BRIP1: variants seen among roughly 807,000 people sequenced by gnomAD.
The protein encoded by BRIP1 is BRCA1 interacting DNA helicase 1.
Under a neutral mutation model 119.7 loss-of-function variants are expected in BRIP1, and 88 were observed. The ratio of observed to expected loss-of-function variants is 0.74; its 90% CI spans 0.62 to 0.88. The LOEUF (loss-of-function observed/expected upper bound fraction) is 0.88, where lower values mean the gene tolerates loss of function less well. Among genes scored for constraint, BRIP1 ranks in the 40% least tolerant of loss-of-function variants. The pLI is 0.00. For missense variants in BRIP1, 1,259 were observed against 1,455.4 expected, an observed-to-expected ratio of 0.87 and a Z score of 2.20; for synonymous variants, 443 against 496.5, an observed-to-expected ratio of 0.89 and a Z score of 1.43.
chr17:61,811,810 G>A (rs1383257411), intron 6 of BRIP1, among the ~76,000 whole-genome samples: 1 of 151,750 alleles, frequency 6.6e-6, no homozygotes, highest in Non-Finnish European at 1.5e-5. Flanking sequence ...AAATTAGCCA[G>A]GCATGGTGGC....
chr17:61,733,815 A>G (rs2076882453), intron 16 of BRIP1, among the ~76,000 whole-genome samples: 1 of 151,832 alleles, frequency 6.6e-6, no homozygotes, highest in South Asian at 2.1e-4. Context: ...ATTACCAAAA[A>G]AACCCACAAA....
rs2061280708 is a variant in BRIP1 at position 61,682,316 on chromosome 17, ACTG to A, written c.*977_*979del. Reference sequence around the variant, plus strand: ...GTCTAGTGTTTGGTACTTATTACTCACTGATCCACTAGGAAAAATATATAATAC... The same window carrying A: ...GTCTAGTGTTTGGTACTTATTACTCAATCCACTAGGAAAAATATATAATAC... On this transcript the variant is annotated 3_prime_UTR_variant, in exon 20 of 20. Transcript: ENST00000259008. The surrounding 1 kb of genome is among the most constrained non-coding windows in gnomAD (Gnocchi z 4.9). 1 of 201,204 alleles carries A rather than the reference ACTG, an allele frequency of 5.0e-6. No homozygotes were observed. The highest frequency in any genetic ancestry group is 2.3e-5 in the African/African-American group (1 of 43,564). 12.5% of individuals were successfully genotyped at this position (201,204 alleles called of 1,614,324 possible).
chr17:61,715,704 A>T (rs1198163044), intron 17 of BRIP1, among the ~76,000 whole-genome samples: 1 of 152,174 alleles, frequency 6.6e-6, no homozygotes, highest in African/African-American at 2.4e-5. Context: ...TGTGCTATTC[A>T]TTGTTAGATC....
In BRIP1 at chr17:61,780,882, A is replaced by G. The variant is rs778774207; in HGVS notation, c.1752T>C (p.Thr584=). The G allele has an allele frequency of 6.2e-6, 10 of 1,614,222 alleles. No homozygotes were observed. In the South Asian group the frequency reaches 1.1e-4, roughly 18 times the overall value. The change falls in exon 12 of 20, where the codon ACT becomes ACC. Residue 584 remains threonine, a synonymous_variant. Coordinates refer to ENST00000259008, the MANE Select transcript of BRIP1 (RefSeq NM_032043.3). The surrounding 1 kb of genome is among the most constrained non-coding windows in gnomAD (Gnocchi z 5.4). ...PKNKKRSRQK[T]AVHVLNFWCL... is the part of the protein sequence containing the mutation. ...ACCAAAAGTTTAGCACATGAACTGC[A>G]GTTTTCTGTCGTGAACGTTTCTTAT...
rs1047300480 is a variant in BRIP1, at chr17:61,684,376, T to G, written c.2906-236A>C. Among the ~76,000 whole-genome samples the G allele has an allele frequency of 2.0e-5, 3 of 152,030 alleles. No individual in the cohort carries two copies. The highest frequency in any genetic ancestry group is 4.8e-5 in the African/African-American group (2 of 41,376). On this transcript the variant is annotated intron_variant, in intron 19 of 19. Transcript: ENST00000259008. This position sits in a 1 kb window ranked among gnomAD's most constrained non-coding sequence, Gnocchi z 4.5. Reference sequence around the variant, plus strand: ...AATGCTGTCTGGTAAACTATCAAATTCCACAGCAGGGAGCTCAAGAATGAA... The same window carrying G: ...AATGCTGTCTGGTAAACTATCAAATGCCACAGCAGGGAGCTCAAGAATGAA...
intron 10 of BRIP1, among the ~76,000 whole-genome samples, chr17:61,790,713 C>T (rs1217615915): frequency 1.3e-5 from 2 of 151,734 alleles, no homozygotes; most frequent in Non-Finnish European, 2.9e-5. Context: ...AATCATGGTT[C>T]ACTGTAGCCT....
Position 61,720,916 on chromosome 17 carries a change from T to C in BRIP1, c.2380-4853A>G, listed in dbSNP as rs1603295414. Among the ~76,000 whole-genome samples the C allele has an allele frequency of 6.6e-6, 1 of 152,182 alleles. No homozygotes were observed. Among genetic ancestry groups the C allele is most frequent in the African/African-American group, 2.4e-5 (1 of 41,450 alleles). On this transcript the variant is annotated intron_variant, in intron 16 of 19. Transcript: ENST00000259008. The surrounding 1 kb of genome is among the most constrained non-coding windows in gnomAD (Gnocchi z 4.3). ...TGGAGTGCAGTGACATGATCTTGGCTCACTGCAACCTCCGCCTCCCAGGTT... is the reference window on the plus strand; with the variant it reads ...TGGAGTGCAGTGACATGATCTTGGCCCACTGCAACCTCCGCCTCCCAGGTT...
In BRIP1 at chr17:61,681,362, G is replaced by A. The variant is rs192638855; in HGVS notation, c.*1934C>T. 4 of 211,234 alleles carry A rather than the reference G, an allele frequency of 1.9e-5. No homozygotes were observed. Among genetic ancestry groups the A allele is most frequent in the Admixed American group, 1.8e-4 (3 of 17,022 alleles). 13.1% of individuals were successfully genotyped at this position (211,234 alleles called of 1,614,324 possible). On this transcript the variant is annotated 3_prime_UTR_variant, in exon 20 of 20. Transcript: ENST00000259008. The surrounding 1 kb of genome is among the most constrained non-coding windows in gnomAD (Gnocchi z 5.1). The stretch of plus-strand genomic sequence containing the variant: ...GAATATCAACAGACATTCCTTTATA[G>A]ATTCTCAAAGCACAAAGAAATTTGT...
At chr17:61,830,768 C>T (rs1295781776) in intron 6 of BRIP1, among the ~76,000 whole-genome samples, 2 of 152,174 alleles carry the variant, frequency 1.3e-5, no homozygotes, top group African/African-American at 4.8e-5. Context: ...TACTTCCCAA[C>T]TCATTTTATA....
In BRIP1 at chr17:61,780,865, T is replaced by C; in HGVS notation, c.1769A>G (p.Asn590Ser). ...CACAGCTGGATTTAAGCACCAAAAG[T>C]TTAGCACATGAACTGCAGTTTTCTG... ...SRQKTAVHVL[N>S]FWCLNPAVAF... The change falls in exon 12 of 20, where the codon AAC becomes AGC. Residue 590 changes from asparagine (N) to serine (S), a missense_variant. Transcript: ENST00000259008. This position sits in a 1 kb window ranked among gnomAD's most constrained non-coding sequence, Gnocchi z 5.4. 6.2e-7 allele frequency: 1 copy of C among 1,614,222 alleles called. No homozygotes were observed. The highest frequency in any genetic ancestry group is 8.5e-7 in the Non-Finnish European group (1 of 1,180,036).
rs1258134199 is a variant in BRIP1 at position 61,690,550 on chromosome 17, G to A, written c.2575+2880C>T. 3.3e-5 allele frequency among the ~76,000 whole-genome samples: 5 copies of A among 151,884 alleles called. No homozygotes were observed. Among genetic ancestry groups the A allele is most frequent in the African/African-American group, 1.2e-4 (5 of 41,354 alleles). On this transcript the variant is annotated intron_variant, in intron 18 of 19. Coordinates refer to ENST00000259008, the MANE Select transcript of BRIP1 (RefSeq NM_032043.3). The surrounding 1 kb of genome is among the most constrained non-coding windows in gnomAD (Gnocchi z 5.6). ...ACCACAAAGGAAATATCTATAGAAG[G>A]TATACAAAAGAAAAATGAGAAAGGA...
chr17:61,821,667 C>G (rs2078328070), intron 6 of BRIP1, among the ~76,000 whole-genome samples: 1 of 151,866 alleles, frequency 6.6e-6, no homozygotes, highest in South Asian at 2.1e-4. Flanking sequence ...GTAGCTGGGA[C>G]TATAGGCACA....
chr17:61,716,439 C>T (rs911755102), intron 16 of BRIP1, among the ~76,000 whole-genome samples: 16 of 152,198 alleles, frequency 1.1e-4, no homozygotes, highest in African/African-American at 3.6e-4. Context: ...AAATTTCTTT[C>T]TTCCACTGCT....
Position 61,679,359 on chromosome 17 carries a change from A to G in BRIP1, c.*3937T>C, listed in dbSNP as rs1319251225. Among the ~76,000 whole-genome samples the G allele has an allele frequency of 6.6e-6, 1 of 152,194 alleles. No individual in the cohort carries two copies. Among genetic ancestry groups the G allele is most frequent in the East Asian group, 1.9e-4 (1 of 5,204 alleles). On this transcript the variant is annotated 3_prime_UTR_variant, in exon 20 of 20. Transcript: ENST00000259008. This position sits in a 1 kb window ranked among gnomAD's most constrained non-coding sequence, Gnocchi z 4.4. Reference sequence around the variant, plus strand: ...TATAACACAATTCTAGACAGTTTTAAATAATTTAATCAAGTCATGAAACAT... The same window carrying G: ...TATAACACAATTCTAGACAGTTTTAGATAATTTAATCAAGTCATGAAACAT...
In BRIP1 at chr17:61,824,745, T is replaced by C. The variant is rs577284607; in HGVS notation, c.628-15988A>G. Among the ~76,000 whole-genome samples, 231 of 152,194 alleles carry C rather than the reference T, an allele frequency of 1.5e-3. No homozygotes were observed. Among genetic ancestry groups the C allele is most frequent in the African/African-American group, 5.3e-3 (221 of 41,528 alleles). ...TAAAAAATGGACTTCATGAGATAAA[T>C]TGGACTCATGAAAATTAAAAACGTT... On this transcript the variant is annotated intron_variant, in intron 6 of 19. Coordinates refer to ENST00000259008, the MANE Select transcript of BRIP1 (RefSeq NM_032043.3). This position sits in a 1 kb window ranked among gnomAD's most constrained non-coding sequence, Gnocchi z 4.3.
rs1429436955 is a variant in BRIP1, at chr17:61,780,213, T to C, written c.1935+48A>G. 6.4e-7 allele frequency: 1 copy of C among 1,563,850 alleles called. No homozygotes were observed. The highest frequency in any genetic ancestry group is 8.8e-7 in the Non-Finnish European group (1 of 1,139,236). ...TTCTAACTTGTTTACATAGTTATAT[T>C]GAAGTAGAAACACTGAAGGCCTTCC... On this transcript the variant is annotated intron_variant, in intron 13 of 19. Transcript: ENST00000259008. The surrounding 1 kb of genome is among the most constrained non-coding windows in gnomAD (Gnocchi z 5.4).
At chr17:61,712,388 A>G (rs2061791605) in intron 17 of BRIP1, among the ~76,000 whole-genome samples, 1 of 151,698 alleles carries the variant, frequency 6.6e-6, no homozygotes, top group Non-Finnish European at 1.5e-5. Flanking sequence ...TAATTTTTGT[A>G]TTTTTAGTAG....
rs1200279053 is a variant in BRIP1, at chr17:61,831,310, G to A, written c.627+15791C>T. Reference sequence around the variant, plus strand: ...AAGAAGTAAAACAGTATTTACTAGAGAATGAAACATGCAACTTTGGGTACT... The same window carrying A: ...AAGAAGTAAAACAGTATTTACTAGAAAATGAAACATGCAACTTTGGGTACT... On this transcript the variant is annotated intron_variant, in intron 6 of 19. Transcript: ENST00000259008. The surrounding 1 kb of genome is among the most constrained non-coding windows in gnomAD (Gnocchi z 4.1). 6.6e-6 allele frequency among the ~76,000 whole-genome samples: 1 copy of A among 152,136 alleles called. No individual in the cohort carries two copies. The highest frequency in any genetic ancestry group is 6.6e-5 in the Admixed American group (1 of 15,262).
chr17:61,791,820 T>C (rs1229352121), intron 10 of BRIP1, among the ~76,000 whole-genome samples: 3 of 152,118 alleles, frequency 2.0e-5, no homozygotes, highest in Non-Finnish European at 4.4e-5. Flanking sequence ...GGCACATATA[T>C]ATATAATGAA....
Sources: allele counts gnomAD v4.1 joint callset (sites outside exome capture counted in the v4.1 genomes callset), GRCh38; gene constraint gnomAD v4.1.1; non-coding constraint Gnocchi (gnomAD v3.1); transcripts MANE v1.5; gene names NCBI Gene and HGNC (gene_info 2026-07-23, HGNC 2026-07-21).